Variants in HDAC4 observed in about 807,000 individuals in gnomAD.
HDAC4 encodes histone deacetylase 4.
Under a neutral mutation model 135.1 loss-of-function variants are expected in HDAC4, and 16 were observed. The observed-to-expected ratio is 0.12, with a 90% confidence interval of 0.08 to 0.18. The LOEUF is 0.18. Ranked by LOEUF, HDAC4 falls within the 10% of genes least tolerant of loss-of-function variation. The pLI, the probability that HDAC4 is intolerant of heterozygous loss-of-function variation, is 1.00. For synonymous variants in HDAC4, 685 were observed against 653.4 expected, an observed-to-expected ratio of 1.05 and a Z score of -0.74; for missense variants, 1,143 against 1,511.8, an observed-to-expected ratio of 0.76 and a Z score of 4.05.
rs370974682 is a variant in HDAC4, at chr2:239,398,778, C to T, written c.-220+2200G>A. Among the ~76,000 whole-genome samples the T allele has an allele frequency of 2.4e-3, 361 of 152,376 alleles. 1 individual carries two copies. Among genetic ancestry groups the T allele is most frequent in the Non-Finnish European group, 4.3e-3 (292 of 68,034 alleles). On this transcript the variant is annotated intron_variant, in intron 1 of 26. Coordinates refer to ENST00000543185, the MANE Select transcript of HDAC4 (RefSeq NM_001378414.1). ...CATCTGTCCTTCGTCCCTAGGCCTT[C>T]CAGGCCCATATGCAGTCCAGTCATC...
chr2:239,338,544 T>C (rs1239446633), intron 2 of HDAC4, among the ~76,000 whole-genome samples: 2 of 152,210 alleles, frequency 1.3e-5, no homozygotes, highest in African/African-American at 4.8e-5. Flanking sequence ...CAAAGTTTAT[T>C]CACACTGAGC....
chr2:239,105,519 C>T (rs565013191), intron 15 of HDAC4, among the ~76,000 whole-genome samples: 14 of 152,302 alleles, frequency 9.2e-5, no homozygotes, highest in African/African-American at 3.1e-4. Context: ...CTTGCTGGGC[C>T]GGCCTGCCAG....
At position 239,344,252 on chromosome 2, in the gene HDAC4, C is replaced by G. The variant is rs533486791; in HGVS notation, c.22+8426G>C. On this transcript the variant is annotated intron_variant, in intron 2 of 26. Transcript: ENST00000543185. ...CTGTGCTCAATGGTTTCTAATGATT[C>G]TCACACCGCGTTTTCTATGTCAAAT... is the stretch of plus-strand genomic sequence containing the variant. 1.1e-4 allele frequency among the ~76,000 whole-genome samples: 17 copies of G among 152,226 alleles called. 1 individual carries two copies. In the Middle Eastern group the frequency reaches 0.01, roughly 91 times the overall value.
intron 16 of HDAC4, among the ~76,000 whole-genome samples, chr2:239,098,656 T>C (rs1486785745): frequency 6.6e-6 from 1 of 152,190 alleles, no homozygotes; most frequent in Non-Finnish European, 1.5e-5. Context: ...AAAGGAAATA[T>C]GAAGGCCCTT....
intron 22 of HDAC4, among the ~76,000 whole-genome samples, chr2:239,078,708 GA>G (rs2035011330): frequency 6.6e-6 from 1 of 152,226 alleles, no homozygotes; most frequent in Non-Finnish European, 1.5e-5. Context: ...GGGGCCTGGG[GA>G]GGGGGAGTGA....
intron 1 of HDAC4, among the ~76,000 whole-genome samples, chr2:239,379,901 T>C (rs1695293816): frequency 6.6e-6 from 1 of 152,098 alleles, no homozygotes; most frequent in African/African-American, 2.4e-5. Flanking sequence ...GACAGTGGGA[T>C]AGGGAGACAG....
At chr2:239,272,101 G>A (rs918633268) in intron 2 of HDAC4, among the ~76,000 whole-genome samples, 3 of 152,194 alleles carry the variant, frequency 2.0e-5, no homozygotes, top group Non-Finnish European at 2.9e-5. Context: ...TGGGAAAAGC[G>A]AATCTAGCCA....
intron 4 of HDAC4, among the ~76,000 whole-genome samples, chr2:239,176,963 C>T (rs1468395975): frequency 1.3e-5 from 2 of 152,154 alleles, no homozygotes; most frequent in African/African-American, 4.8e-5. Flanking sequence ...TGCCCCGAGA[C>T]CCAGCAATCC....
In HDAC4 at chr2:239,400,196, C is replaced by T. The variant is rs1275968002; in HGVS notation, c.-220+782G>A. Among the ~76,000 whole-genome samples, 8 of 151,790 alleles carry T rather than the reference C, an allele frequency of 5.3e-5. No individual in the cohort carries two copies. Among genetic ancestry groups the T allele is most frequent in the Admixed American group, 5.2e-4 (8 of 15,240 alleles). Reference sequence around the variant, plus strand: ...CTGAGCCGAGCGGGTCCCGGGCAGCCCCCCGCCCTCCCGCGACCCCCCGGG... The same window carrying T: ...CTGAGCCGAGCGGGTCCCGGGCAGCTCCCCGCCCTCCCGCGACCCCCCGGG... On this transcript the variant is annotated intron_variant, in intron 1 of 26. Transcript: ENST00000543185. This position sits in a 1 kb window ranked among gnomAD's most constrained non-coding sequence, Gnocchi z 4.7.
chr2:239,209,024 G>A (rs537443553), intron 3 of HDAC4, among the ~76,000 whole-genome samples: 6 of 152,272 alleles, frequency 3.9e-5, no homozygotes, highest in African/African-American at 9.6e-5. Context: ...CTACAGAGGC[G>A]CGCCATCACG....
chr2:239,242,923 C>CT (rs2048269967), intron 2 of HDAC4, among the ~76,000 whole-genome samples: 1 of 152,050 alleles, frequency 6.6e-6, no homozygotes, highest in African/African-American at 2.4e-5. Context: ...ACGTAGTAAA[C>CT]TTTTTTTTCT....
chr2:239,195,373 T>C (rs957189190), intron 3 of HDAC4, among the ~76,000 whole-genome samples: 6 of 152,152 alleles, frequency 3.9e-5, no homozygotes, highest in Non-Finnish European at 7.3e-5. Context: ...ATAACACAAA[T>C]GGAGCGTTCA....
At chr2:239,108,846 C>T (rs990694102) in intron 14 of HDAC4, among the ~76,000 whole-genome samples, 3 of 152,230 alleles carry the variant, frequency 2.0e-5, no homozygotes, top group Admixed American at 6.5e-5. Context: ...TCAGCATGGA[C>T]GGGCCCCCAG....
intron 16 of HDAC4, among the ~76,000 whole-genome samples, chr2:239,095,888 G>A (rs953456714): frequency 2.6e-5 from 4 of 152,128 alleles, no homozygotes; most frequent in African/African-American, 4.8e-5. Context: ...CTCACTCTCC[G>A]CAGCCCCCGG....
intron 3 of HDAC4, among the ~76,000 whole-genome samples, chr2:239,211,494 T>A (rs186898846): frequency 7.9e-5 from 12 of 152,338 alleles, no homozygotes; most frequent in Admixed American, 6.5e-4. Context: ...CACTGAGTTT[T>A]ATCTTGAGAT....
intron 19 of HDAC4, among the ~76,000 whole-genome samples, chr2:239,087,042 C>T (rs974109249): frequency 1.3e-5 from 2 of 152,234 alleles, no homozygotes; most frequent in African/African-American, 4.8e-5. Context: ...CCACACCCCA[C>T]ACTCGCCACC....
chr2:239,083,062 C>A (rs1283045191), intron 20 of HDAC4, among the ~76,000 whole-genome samples: 1 of 152,252 alleles, frequency 6.6e-6, no homozygotes, highest in African/African-American at 2.4e-5. Flanking sequence ...CCTTCCACCC[C>A]ACAGAGTAGG....
At chr2:239,213,281 G>A (rs943429552) in intron 3 of HDAC4, among the ~76,000 whole-genome samples, 8 of 152,210 alleles carry the variant, frequency 5.3e-5, no homozygotes, top group Non-Finnish European at 1.2e-4. Context: ...TAGCCAGGAG[G>A]AATGCTGAAG....
intron 4 of HDAC4, among the ~76,000 whole-genome samples, chr2:239,183,484 C>A (rs943435121): frequency 6.6e-6 from 1 of 152,232 alleles, no homozygotes; most frequent in East Asian, 1.9e-4. Flanking sequence ...CAGGTGCAGA[C>A]CAGCTGGGGT....
Sources: gnomAD v4.1 joint callset for allele counts (sites outside exome capture counted in the v4.1 genomes callset) on GRCh38, gnomAD v4.1.1 for gene constraint, Gnocchi (gnomAD v3.1) non-coding constraint, MANE v1.5 for transcripts, NCBI Gene and HGNC (gene_info 2026-07-23, HGNC 2026-07-21) for gene names.